The following CORO2A variants were observed in gnomAD, a reference collection of about 807,000 sequenced individuals.
CORO2A encodes the protein coronin 2A.
A neutral mutation model predicts 62.4 loss-of-function variants in CORO2A; 47 were observed. The observed-to-expected ratio is 0.75, with a 90% confidence interval of 0.60 to 0.96. CORO2A has a LOEUF of 0.96. Ranked by LOEUF, CORO2A falls within the 40% of genes least tolerant of loss-of-function variation. CORO2A has a pLI of 0.00. For missense variants in CORO2A, 610 were observed against 684.1 expected (o/e 0.89, Z 1.21); for synonymous variants, 273 against 268.9 (o/e 1.02, Z -0.15).
At chr9:98,162,800 C>T (rs772537315) in intron 1 of CORO2A, among the ~76,000 whole-genome samples, 3 of 152,242 alleles carry the variant, frequency 2.0e-5, no homozygotes, top group Non-Finnish European at 4.4e-5. Flanking sequence ...TCCGTGCATG[C>T]ATGACTTTAA....
chr9:98,128,742 A>G (rs758042497), intron 8 of CORO2A, 23 bp from the exon 9 acceptor site: 1 of 1,605,970 alleles, frequency 6.2e-7, no homozygotes, highest in South Asian at 1.1e-5. Context: ...AGGGAGGGCC[A>G]AGAGGTTCTG....
chr9:98,137,435 T>C, intron 3 of CORO2A, 137 bp downstream of exon 3: 1 of 731,484 alleles, frequency 1.4e-6, no homozygotes, highest in Non-Finnish European at 2.4e-6. Flanking sequence ...CTACCTTAAC[T>C]TAACACCTCC....
chr9:98,190,385 T>C (rs1828292047), intron 1 of CORO2A, among the ~76,000 whole-genome samples: 1 of 152,220 alleles, frequency 6.6e-6, no homozygotes, highest in African/African-American at 2.4e-5. Context: ...GTTTCATCTT[T>C]TTATTTTTAT....
In CORO2A at chr9:98,172,118, G is replaced by C. The variant is rs368788938; in HGVS notation, c.1-14458C>G. ...TGCTTGGACTCAGGAGGAAAAGGGTGTGACTGCCCTGGGACAAGAGTCCCC... is the reference window on the plus strand; with the variant it reads ...TGCTTGGACTCAGGAGGAAAAGGGTCTGACTGCCCTGGGACAAGAGTCCCC... On this transcript the variant is annotated intron_variant, in intron 1 of 11. Coordinates refer to ENST00000375077, the MANE Select transcript of CORO2A (RefSeq NM_052820.4). Among the ~76,000 whole-genome samples, 11 of 152,138 alleles carry C rather than the reference G, an allele frequency of 7.2e-5. No individual in the cohort carries two copies. In the East Asian group the frequency reaches 1.7e-3, roughly 24 times the overall value.
At chr9:98,161,664 G>C (rs1021071871) in intron 1 of CORO2A, among the ~76,000 whole-genome samples, 1 of 152,202 alleles carries the variant, frequency 6.6e-6, no homozygotes, top group African/African-American at 2.4e-5. Flanking sequence ...GAGCAGGTAA[G>C]AGGCAATGGT....
intron 1 of CORO2A, among the ~76,000 whole-genome samples, chr9:98,171,954 T>C (rs111826257): frequency 3.9e-5 from 6 of 152,054 alleles, no homozygotes. Context: ...ACATTGAGCC[T>C]GGGAAACGAT....
chr9:98,158,717 A>C (rs1827839818), intron 1 of CORO2A, among the ~76,000 whole-genome samples: 1 of 152,086 alleles, frequency 6.6e-6, no homozygotes, highest in African/African-American at 2.4e-5. Context: ...GATGAGTAGG[A>C]GTTGGTCATG....
At chr9:98,143,481 A>G (rs1349453280) in intron 2 of CORO2A, among the ~76,000 whole-genome samples, 1 of 152,178 alleles carries the variant, frequency 6.6e-6, no homozygotes, top group Non-Finnish European at 1.5e-5. Flanking sequence ...GTGGGCAGGC[A>G]GACTCTGGCT....
intron 1 of CORO2A, among the ~76,000 whole-genome samples, chr9:98,192,098 C>T (rs767073237): frequency 6.6e-6 from 1 of 152,214 alleles, no homozygotes; most frequent in Non-Finnish European, 1.5e-5. Flanking sequence ...CCCACCGTTT[C>T]CTGTACCAGG....
At chr9:98,178,103 G>GT (rs1290641819) in intron 1 of CORO2A, among the ~76,000 whole-genome samples, 6 of 152,112 alleles carry the variant, frequency 3.9e-5, no homozygotes, top group Non-Finnish European at 7.4e-5. Context: ...CTGGAGTGCA[G>GT]TGGTGCCATC....
intron 1 of CORO2A, among the ~76,000 whole-genome samples, chr9:98,176,434 G>A (rs1477068090): frequency 1.3e-5 from 2 of 152,160 alleles, no homozygotes; most frequent in African/African-American, 4.8e-5. Flanking sequence ...GGGAAGATGT[G>A]CTCAACCAGT....
rs143485689 is a variant in CORO2A, at chr9:98,133,158, A to G, written c.528T>C (p.Ile176=). 5 of 1,614,096 alleles carry G rather than the reference A, an allele frequency of 3.1e-6. No individual in the cohort carries two copies. In the African/African-American group the frequency reaches 6.7e-5, roughly 22 times the overall value. The part of the protein sequence containing the change: ...ESVITSPMST[I]SCHQDVILSM... ...AGAGGATCACATCTTGGTGACAGCT[A>G]ATCGTACTCATGGGGCTTGTGATGA... is the stretch of plus-strand genomic sequence containing the variant. Residue 176 remains isoleucine, a synonymous_variant, in exon 5 of 12, where the codon ATT becomes ATC. Coordinates refer to ENST00000375077, the MANE Select transcript of CORO2A (RefSeq NM_052820.4).
At chr9:98,136,358 A>C (rs1827486755) in intron 3 of CORO2A, among the ~76,000 whole-genome samples, 1 of 152,206 alleles carries the variant, frequency 6.6e-6, no homozygotes, top group Non-Finnish European at 1.5e-5. Context: ...TGCTATATGG[A>C]AACCGACACA....
intron 1 of CORO2A, among the ~76,000 whole-genome samples, chr9:98,185,947 G>T (rs1429054362): frequency 1.3e-5 from 2 of 152,204 alleles, no homozygotes; most frequent in African/African-American, 2.4e-5. Flanking sequence ...ACTCTCAGGG[G>T]ACCTGCAGTG....
chr9:98,147,443 T>C (rs754268225), intron 2 of CORO2A, among the ~76,000 whole-genome samples: 5 of 152,212 alleles, frequency 3.3e-5, no homozygotes, highest in Non-Finnish European at 7.3e-5. Context: ...TTCTAGAATC[T>C]GGGCTGAGGA....
At chr9:98,180,532 C>A (rs1437197345) in intron 1 of CORO2A, among the ~76,000 whole-genome samples, 2 of 152,178 alleles carry the variant, frequency 1.3e-5, no homozygotes, top group East Asian at 3.8e-4. Context: ...CATGGCCTCT[C>A]TGAGCCTCAG....
intron 1 of CORO2A, among the ~76,000 whole-genome samples, chr9:98,179,315 C>A (rs1026120655): frequency 6.6e-6 from 1 of 152,240 alleles, no homozygotes; most frequent in African/African-American, 2.4e-5. Context: ...CGCGGAGACC[C>A]TGCTGCCCAG....
intron 2 of CORO2A, among the ~76,000 whole-genome samples, chr9:98,139,443 T>C (rs1827537324): frequency 6.6e-6 from 1 of 151,952 alleles, no homozygotes; most frequent in Non-Finnish European, 1.5e-5. Flanking sequence ...GCCTGGTCAA[T>C]ATGGTGAAAC....
At chr9:98,131,398 T>G (rs1437894965) in intron 6 of CORO2A, among the ~76,000 whole-genome samples, 2 of 151,170 alleles carry the variant, frequency 1.3e-5, no homozygotes, top group East Asian at 3.9e-4. Flanking sequence ...CGATCATAGC[T>G]CACTGCAGTC....
Sources: allele counts gnomAD v4.1 joint callset (sites outside exome capture counted in the v4.1 genomes callset), GRCh38; gene constraint gnomAD v4.1.1; transcripts MANE v1.5; gene names NCBI Gene and HGNC (gene_info 2026-07-23, HGNC 2026-07-21).